SCAPER: variants seen among roughly 807,000 people sequenced by gnomAD.
The protein encoded by SCAPER is S-phase cyclin A associated protein in the ER, also known as S phase cyclin A-associated protein in the endoplasmic reticulum.
SCAPER carries 98 observed loss-of-function variants against 182.2 expected under a neutral mutation model. The observed-to-expected ratio is 0.54, with a 90% CI of 0.46 to 0.64. The LOEUF is 0.64. Among genes scored for constraint, SCAPER ranks in the 30% least tolerant of loss-of-function variants. SCAPER has a pLI of 0.00. For synonymous variants in SCAPER, 605 were observed against 564.6 expected, an observed-to-expected ratio of 1.07 and a Z score of -1.01; for missense variants, 1,432 against 1,690.0, an observed-to-expected ratio of 0.85 and a Z score of 2.68.
rs1264871985 is a variant in SCAPER at position 76,842,013 on chromosome 15, T to C, written c.196-82A>G. Reference sequence around the variant, plus strand: ...GATTTTTTATAAAGATTCAATCAACTACAAATCAAAACTACTCCAGAAATA... The same window carrying C: ...GATTTTTTATAAAGATTCAATCAACCACAAATCAAAACTACTCCAGAAATA... On this transcript the variant is annotated intron_variant, in intron 4 of 31. Transcript: ENST00000563290. 4.8e-6 allele frequency: 6 copies of C among 1,247,964 alleles called. No homozygotes were observed. In the African/African-American group the frequency reaches 7.6e-5, roughly 16 times the overall value. The allele number at this position is 1,247,964 out of a possible 1,614,324, so 77.3% of individuals were successfully genotyped here.
chr15:76,705,424 T>G (rs1458747740), intron 18 of SCAPER, among the ~76,000 whole-genome samples: 3 of 149,480 alleles, frequency 2.0e-5, no homozygotes, highest in Non-Finnish European at 4.5e-5. Flanking sequence ...GAGAGGGATA[T>G]CATTAGGAGA....
intron 23 of SCAPER, among the ~76,000 whole-genome samples, chr15:76,566,692 G>A (rs973112474): frequency 1.3e-5 from 2 of 151,986 alleles, no homozygotes; most frequent in African/African-American, 2.4e-5. Context: ...ACATGTAAGA[G>A]TATTTTTTAA....
rs563221283 is a variant in SCAPER at position 76,542,984 on chromosome 15, A to T, written c.2838+31174T>A. Among the ~76,000 whole-genome samples, 282 of 152,260 alleles carry T rather than the reference A, an allele frequency of 1.9e-3. 2 individuals carry two copies. Among genetic ancestry groups the T allele is most frequent in the African/African-American group, 6.5e-3 (269 of 41,550 alleles). On this transcript the variant is annotated intron_variant, in intron 23 of 31. Transcript: ENST00000563290. ...TTTTCAGTTGTTTAGTATACAGAAAAATATATATATACCCCAAACTCAGTA... is the reference window on the plus strand; with the variant it reads ...TTTTCAGTTGTTTAGTATACAGAAATATATATATATACCCCAAACTCAGTA...
In SCAPER at chr15:76,605,631, C is replaced by T. The variant is rs1023356280; in HGVS notation, c.2711+16133G>A. ...TCCTCTTTGTACCTCTGGTAGAATTCGGCTGTGAATCCATCTAGTCCTGGA... is the reference window on the plus strand; with the variant it reads ...TCCTCTTTGTACCTCTGGTAGAATTTGGCTGTGAATCCATCTAGTCCTGGA... On this transcript the variant is annotated intron_variant, in intron 22 of 31. Coordinates refer to ENST00000563290, the MANE Select transcript of SCAPER (RefSeq NM_020843.4). 1.4e-4 allele frequency among the ~76,000 whole-genome samples: 21 copies of T among 152,232 alleles called. 1 individual carries two copies. Among genetic ancestry groups the T allele is most frequent in the African/African-American group, 4.1e-4 (17 of 41,536 alleles).
At chr15:76,547,708 T>C (rs1321530067) in intron 23 of SCAPER, among the ~76,000 whole-genome samples, 3 of 152,098 alleles carry the variant, frequency 2.0e-5, no homozygotes, top group South Asian at 4.1e-4. Context: ...CACTCATTGA[T>C]TGATTGATGA....
intron 23 of SCAPER, among the ~76,000 whole-genome samples, chr15:76,529,397 A>G (rs1410429152): frequency 2.0e-5 from 3 of 152,230 alleles, no homozygotes; most frequent in Non-Finnish European, 4.4e-5. Flanking sequence ...AATGTTTAAC[A>G]GACAAAAATC....
chr15:76,583,170 G>C (rs2048381887), intron 22 of SCAPER, among the ~76,000 whole-genome samples: 1 of 152,024 alleles, frequency 6.6e-6, no homozygotes, highest in South Asian at 2.1e-4. Context: ...GGCCAACATA[G>C]TGAAACCCTG....
intron 1 of SCAPER, among the ~76,000 whole-genome samples, chr15:76,892,760 T>G (rs960983060): frequency 7.2e-5 from 11 of 152,360 alleles, no homozygotes; most frequent in African/African-American, 2.4e-4. Context: ...GAAAACAGTG[T>G]GGCGATTCCT....
intron 15 of SCAPER, among the ~76,000 whole-genome samples, chr15:76,753,250 T>C (rs2062203963): frequency 6.6e-6 from 1 of 151,866 alleles, no homozygotes; most frequent in Non-Finnish European, 1.5e-5. Flanking sequence ...TAACAAATTA[T>C]GGTATTTCCA....
At chr15:76,605,271 T>C (rs1343680289) in intron 22 of SCAPER, among the ~76,000 whole-genome samples, 1 of 152,170 alleles carries the variant, frequency 6.6e-6, no homozygotes, top group Non-Finnish European at 1.5e-5. Flanking sequence ...TCTGCATCTA[T>C]TGAGATAATC....
In SCAPER at chr15:76,893,587, C is replaced by A. The variant is rs7170446; in HGVS notation, c.-59-9711G>T. The stretch of plus-strand genomic sequence containing the variant: ...GCCAAATGGACCTAACAGACATATG[C>A]AGAACATTCCATCCAACAGCAGCAG... On this transcript the variant is annotated intron_variant, in intron 1 of 31. Transcript: ENST00000563290. Among the ~76,000 whole-genome samples the A allele has an allele frequency of 3.8e-3, 577 of 152,028 alleles. 5 individuals are homozygous for A. The highest frequency in any genetic ancestry group is 0.013 in the African/African-American group (549 of 41,492).
intron 2 of SCAPER, among the ~76,000 whole-genome samples, chr15:76,865,840 T>G (rs776326075): frequency 6.6e-5 from 10 of 152,164 alleles, no homozygotes; most frequent in Non-Finnish European, 1.3e-4. Flanking sequence ...GTACCCATAT[T>G]CCTTCATTCC....
chr15:76,434,158 G>A lies in SCAPER; in HGVS notation c.3231C>T (p.Thr1077=). 6.2e-7 allele frequency: 1 copy of A among 1,613,918 alleles called. No homozygotes were observed. The highest frequency in any genetic ancestry group is 8.5e-7 in the Non-Finnish European group (1 of 1,179,888). ...NRPDGNCQPA[T]PKIPTQEMKN... ...TCATTTCCTGTGTTGGTATTTTTGG[G>A]GTAGCTGGCTGGCAGTTTCCATCTG... Residue 1077 remains threonine (T), a synonymous_variant, in exon 26 of 32, where the codon ACC becomes ACT. Coordinates refer to ENST00000563290, the MANE Select transcript of SCAPER (RefSeq NM_020843.4).
Position 76,621,795 on chromosome 15 carries a change from T to G in SCAPER, c.2680A>C (p.Asn894His), listed in dbSNP as rs757539302. 6.2e-7 allele frequency: 1 copy of G among 1,608,296 alleles called. No homozygotes were observed. Among genetic ancestry groups the G allele is most frequent in the Non-Finnish European group, 8.5e-7 (1 of 1,177,304 alleles). ...TTATAAGGTGAATCAGAGCCAGAAT[T>G]TTTGGTTTCCATTAAACTCTCATAT... is the stretch of plus-strand genomic sequence containing the variant. ...KEYESLMETK[N>H]SGSDSPYKAK... Residue 894 changes from asparagine (N) to histidine (H), a missense_variant, in exon 22 of 32, where the codon AAT (asparagine) becomes CAT (histidine). By Grantham distance (68) the Asn-to-His change is moderately conservative. Around this residue, in one of 5 missense-constraint regions of SCAPER, gnomAD observed 718 missense variants for 799.7 expected, o/e 0.90. Transcript: ENST00000563290.
intron 2 of SCAPER, among the ~76,000 whole-genome samples, chr15:76,880,470 A>T (rs1346394010): frequency 6.6e-6 from 1 of 152,238 alleles, no homozygotes; most frequent in East Asian, 1.9e-4. Context: ...CTGAATAAGG[A>T]ACTCAAGAAT....
intron 20 of SCAPER, among the ~76,000 whole-genome samples, chr15:76,671,098 T>C (rs2056981712): frequency 1.3e-5 from 2 of 152,130 alleles, no homozygotes. Flanking sequence ...CCCAGCACTT[T>C]GGGAGGCAGA....
At chr15:76,669,502 A>G (rs1443653913) in intron 20 of SCAPER, among the ~76,000 whole-genome samples, 2 of 152,244 alleles carry the variant, frequency 1.3e-5, no homozygotes, top group Non-Finnish European at 2.9e-5. Context: ...GTCATATATG[A>G]AAGCACCATC....
At position 76,523,446 on chromosome 15, in the gene SCAPER, C is replaced by T. The variant is rs74965006; in HGVS notation, c.2839-18472G>A. Among the ~76,000 whole-genome samples the T allele has an allele frequency of 8.1e-3, 1,233 of 151,938 alleles. 13 individuals carry two copies. The highest frequency in any genetic ancestry group is 0.028 in the African/African-American group (1,167 of 41,474). ...GTCCTTTATGTAAATCTGATAGAACCGACTAATAATCAACAAAGAGATTCA... is the reference window on the plus strand; with the variant it reads ...GTCCTTTATGTAAATCTGATAGAACTGACTAATAATCAACAAAGAGATTCA... On this transcript the variant is annotated intron_variant, in intron 23 of 31. Transcript: ENST00000563290.
In SCAPER at chr15:76,375,096, T is replaced by C. The variant is rs1048925360; in HGVS notation, c.3855+1066A>G. Among the ~76,000 whole-genome samples, 9 of 149,702 alleles carry C rather than the reference T, an allele frequency of 6.0e-5. No homozygotes were observed. In the East Asian group the frequency reaches 9.9e-4, roughly 17 times the overall value. On this transcript the variant is annotated intron_variant, in intron 29 of 31. Coordinates refer to ENST00000563290, the MANE Select transcript of SCAPER (RefSeq NM_020843.4). Reference sequence around the variant, plus strand: ...AGCTGGGTGTGATGGTACCCGCCGGTAGACCCAACTACTCAGGAGGCTGAG... The same window carrying C: ...AGCTGGGTGTGATGGTACCCGCCGGCAGACCCAACTACTCAGGAGGCTGAG...
Sources: allele counts gnomAD v4.1 joint callset (sites outside exome capture counted in the v4.1 genomes callset), GRCh38; gene constraint gnomAD v4.1.1; regional missense constraint gnomAD v4.1.1; transcripts MANE v1.5; gene names NCBI Gene and HGNC (gene_info 2026-07-23, HGNC 2026-07-21).